Variants in ALK observed in about 807,000 individuals in gnomAD.
ALK encodes the protein ALK tyrosine kinase receptor.
A neutral mutation model predicts 163.1 loss-of-function variants in ALK; 74 were observed. That is an observed-to-expected ratio of 0.45 (90% confidence interval 0.38 to 0.55). The LOEUF (loss-of-function observed/expected upper bound fraction) is 0.55. Ranked by LOEUF, ALK falls within the 20% of genes least tolerant of loss-of-function variation. The pLI is 0.00. For synonymous variants in ALK, 960 were observed against 843.2 expected, an observed-to-expected ratio of 1.14 and a Z score of -2.40; for missense variants, 2,063 against 2,105.3, an observed-to-expected ratio of 0.98 and a Z score of 0.39.
chr2:29,632,305 T>C (rs1348423115), intron 3 of ALK, among the ~76,000 whole-genome samples: 1 of 152,122 alleles, frequency 6.6e-6, no homozygotes, highest in Non-Finnish European at 1.5e-5. Context: ...GTGAATTGTG[T>C]CCCTCTCCTG....
chr2:29,751,796 G>T (rs1680372543), intron 1 of ALK, among the ~76,000 whole-genome samples: 1 of 152,036 alleles, frequency 6.6e-6, no homozygotes, highest in Non-Finnish European at 1.5e-5. Flanking sequence ...AGATTTTTAG[G>T]GACAGTTCCC....
At chr2:29,509,362 G>C (rs1435341089) in intron 4 of ALK, among the ~76,000 whole-genome samples, 2 of 152,102 alleles carry the variant, frequency 1.3e-5, no homozygotes, top group Non-Finnish European at 2.9e-5. Flanking sequence ...AGGAGAACAG[G>C]GGTTCCTTCA....
At chr2:29,822,361 C>G (rs1225800327) in intron 1 of ALK, among the ~76,000 whole-genome samples, 2 of 152,190 alleles carry the variant, frequency 1.3e-5, no homozygotes, top group Non-Finnish European at 2.9e-5. Context: ...AGAGGGGAGA[C>G]AAAGGCAGAA....
chr2:29,472,417 G>A (rs1481830126), intron 4 of ALK, among the ~76,000 whole-genome samples: 2 of 152,154 alleles, frequency 1.3e-5, no homozygotes, highest in Admixed American at 1.3e-4. Flanking sequence ...TGTAGGAACT[G>A]GAACGGAAGG....
At position 29,889,695 on chromosome 2, in the gene ALK, CAG is replaced by C. The variant is rs869083201; in HGVS notation, c.667+30296_667+30297del. ...ATCTGTATCTATATAGATAGATAGA[CAG>C]AGAGAGAGAGAGAGAGAGAGAGAGA... On this transcript the variant is annotated intron_variant, in intron 1 of 28. Transcript: ENST00000389048. Among the ~76,000 whole-genome samples, 792 of 100,998 alleles carry C rather than the reference CAG, an allele frequency of 7.8e-3. 4 individuals are homozygous for C. Among genetic ancestry groups the C allele is most frequent in the Middle Eastern group, 0.018 (3 of 170 alleles). The allele number at this position is 100,998 out of a possible 152,430, so 66.3% of individuals were successfully genotyped here. A position where few individuals can be genotyped will look rare whatever the true frequency, so the allele number is the denominator to read the frequency against.
At chr2:29,489,767 A>G (rs1486428555) in intron 4 of ALK, among the ~76,000 whole-genome samples, 1 of 152,258 alleles carries the variant, frequency 6.6e-6, no homozygotes, top group Non-Finnish European at 1.5e-5. Flanking sequence ...GAGCTGTCTC[A>G]GGTGCTGAGC....
intron 1 of ALK, among the ~76,000 whole-genome samples, chr2:29,725,260 T>C (rs1045804096): frequency 1.3e-5 from 2 of 152,116 alleles, no homozygotes; most frequent in African/African-American, 2.4e-5. Flanking sequence ...TTTTCAGCCT[T>C]ATTTCCCATT....
chr2:29,320,581 C>G (rs566719284), intron 7 of ALK, among the ~76,000 whole-genome samples, 170 bp downstream of exon 7: 3 of 152,328 alleles, frequency 2.0e-5, no homozygotes, highest in Admixed American at 2.0e-4. Flanking sequence ...GATTTAATCA[C>G]TCGAAAGCCC....
At chr2:29,559,540 A>G (rs1407822449) in intron 3 of ALK, among the ~76,000 whole-genome samples, 3 of 152,192 alleles carry the variant, frequency 2.0e-5, no homozygotes, top group African/African-American at 7.2e-5. Context: ...ATGAGGTTCT[A>G]TATCTTCATT....
intron 9 of ALK, among the ~76,000 whole-genome samples, chr2:29,295,220 G>A (rs1666139790): frequency 6.6e-6 from 1 of 152,190 alleles, no homozygotes; most frequent in Non-Finnish European, 1.5e-5. Flanking sequence ...AGGAGGCTGA[G>A]AACGAAGTCT....
intron 3 of ALK, among the ~76,000 whole-genome samples, chr2:29,570,967 A>G (rs1674351872): frequency 6.6e-6 from 1 of 152,242 alleles, no homozygotes; most frequent in South Asian, 2.1e-4. Flanking sequence ...ATTATGGATA[A>G]TTACAGAGCA....
At position 29,193,012 on chromosome 2, in the gene ALK, T is replaced by A; in HGVS notation, c.*212A>T. 1.7e-6 allele frequency: 1 copy of A among 592,724 alleles called. No homozygotes were observed. The highest frequency in any genetic ancestry group is 3.0e-6 in the Non-Finnish European group (1 of 334,534). 36.7% of individuals were successfully genotyped at this position (592,724 alleles called of 1,614,324 possible). A position where few individuals can be genotyped will look rare whatever the true frequency, so the allele number is the denominator to read the frequency against. On this transcript the variant is annotated 3_prime_UTR_variant, in exon 29 of 29. Transcript: ENST00000389048. The stretch of plus-strand genomic sequence containing the variant: ...GCCTTGTATTTATCACTCATTTTTA[T>A]GATATTTTCTTCTTTCGAAAGAATA...
At chr2:29,715,357 T>G (rs1425151498) in intron 2 of ALK, among the ~76,000 whole-genome samples, 1 of 152,190 alleles carries the variant, frequency 6.6e-6, no homozygotes, top group African/African-American at 2.4e-5. Context: ...AGGGAAATCA[T>G]GAGGATTCCA....
At chr2:29,361,985 T>C (rs1161047226) in intron 5 of ALK, among the ~76,000 whole-genome samples, 2 of 151,864 alleles carry the variant, frequency 1.3e-5, no homozygotes. Context: ...CCCCAAGTAA[T>C]GGGAAATTAG....
intron 1 of ALK, among the ~76,000 whole-genome samples, chr2:29,915,401 G>T (rs1667810364): frequency 6.6e-6 from 1 of 152,064 alleles, no homozygotes; most frequent in Non-Finnish European, 1.5e-5. Context: ...TTTATTTTTA[G>T]TAGAGACAGG....
Position 29,197,566 on chromosome 2 carries a change from G to A in ALK, c.4049C>T (p.Pro1350Leu), listed in dbSNP as rs949778991. 5 of 1,613,676 alleles carry A rather than the reference G, an allele frequency of 3.1e-6. No homozygotes were observed. The East Asian group carries it at 1.1e-4, about 36-fold the overall frequency. The change falls in exon 27 of 29, where the codon CCA (proline) becomes CTA (leucine). Residue 1350 changes from proline to leucine, a missense_variant. By Grantham distance (98) the Pro-to-Leu change is moderately conservative (BLOSUM62 -3). Coordinates refer to ENST00000389048, the MANE Select transcript of ALK (RefSeq NM_004304.5). Reference protein sequence around the residue: ...EFVTSGGRMDPPKNCPGPVYR... With the variant: ...EFVTSGGRMDLPKNCPGPVYR... ...CACAGGCCCAGGGCAGTTCTTGGGT[G>A]GGTCCATCCGGCCTCCACTGGTGAC...
intron 1 of ALK, among the ~76,000 whole-genome samples, chr2:29,914,579 A>G (rs529172131): frequency 2.0e-5 from 3 of 152,248 alleles, no homozygotes; most frequent in African/African-American, 4.8e-5. Flanking sequence ...TGCACACATC[A>G]TCTAATTTAA....
chr2:29,823,990 T>C (rs537404005), intron 1 of ALK, among the ~76,000 whole-genome samples: 30 of 152,036 alleles, frequency 2.0e-4, no homozygotes, highest in South Asian at 1.0e-3. Context: ...GAGGAAAACA[T>C]TGTTTGGTGG....
chr2:29,811,491 C>A, intron 1 of ALK, among the ~76,000 whole-genome samples: 1 of 152,260 alleles, frequency 6.6e-6, no homozygotes, highest in Non-Finnish European at 1.5e-5. Context: ...TGGATGTTCC[C>A]TGATTCTAAA....
Sources: allele counts gnomAD v4.1 joint callset (sites outside exome capture counted in the v4.1 genomes callset), GRCh38; gene constraint gnomAD v4.1.1; transcripts MANE v1.5; gene names NCBI Gene and HGNC (gene_info 2026-07-23, HGNC 2026-07-21).